N4BP1: variants seen among roughly 807,000 people sequenced by gnomAD.
N4BP1 encodes NEDD4 binding protein 1, also known as NEDD4-binding protein 1.
In N4BP1, 21 loss-of-function variants were observed where a neutral mutation model predicts 70.9. That is an observed-to-expected ratio of 0.30 (90% CI 0.21 to 0.43). The LOEUF is 0.43. Among genes scored for constraint, N4BP1 ranks in the 20% least tolerant of loss-of-function variants. The pLI is 1.00. For synonymous variants in N4BP1, 387 were observed against 394.6 expected, an observed-to-expected ratio of 0.98 and a Z score of 0.23; for missense variants, 936 against 1,069.4, an observed-to-expected ratio of 0.88 and a Z score of 1.74.
At chr16:48,586,881 A>G (rs1165299677) in intron 1 of N4BP1, among the ~76,000 whole-genome samples, 1 of 150,576 alleles carries the variant, frequency 6.6e-6, no homozygotes, top group Non-Finnish European at 1.5e-5. Flanking sequence ...TTTTTTTTTT[A>G]GAGACTACAC....
At position 48,558,448 on chromosome 16, in the gene N4BP1, T is replaced by C. The variant is rs115011041; in HGVS notation, c.1889+2306A>G. On this transcript the variant is annotated intron_variant, in intron 2 of 6. Coordinates refer to ENST00000262384, the MANE Select transcript of N4BP1 (RefSeq NM_153029.4). ...GTGTCACAACGACTGGGGAAGGATA[T>C]TATAAGCAAAGTGGGAGGGACTAGA... Among the ~76,000 whole-genome samples, 780 of 152,274 alleles carry C rather than the reference T, an allele frequency of 5.1e-3. 6 individuals are homozygous for C. The highest frequency in any genetic ancestry group is 0.017 in the African/African-American group (704 of 41,558).
chr16:48,609,744 G>A, intron 1 of N4BP1, 31 bp downstream of exon 1: 11 of 1,317,834 alleles, frequency 8.3e-6, no homozygotes, highest in Non-Finnish European at 1.1e-5. Flanking sequence ...GATCGAGGCC[G>A]CGGGCGCGCG....
At chr16:48,574,601 AT>A (rs1294822249) in intron 1 of N4BP1, among the ~76,000 whole-genome samples, 1 of 152,140 alleles carries the variant, frequency 6.6e-6, no homozygotes, top group Non-Finnish European at 1.5e-5. Flanking sequence ...AACAACCTTA[AT>A]TTTTTGTCAT....
At chr16:48,572,649 C>A (rs1382222590) in intron 1 of N4BP1, among the ~76,000 whole-genome samples, 1 of 152,156 alleles carries the variant, frequency 6.6e-6, no homozygotes, top group East Asian at 1.9e-4. Context: ...AGAGTGGCAA[C>A]TAGAAGTCCA....
rs1001397206 is a variant in N4BP1, at chr16:48,540,336, G to T, written c.*2568C>A. On this transcript the variant is annotated 3_prime_UTR_variant, in exon 7 of 7. Coordinates refer to ENST00000262384, the MANE Select transcript of N4BP1 (RefSeq NM_153029.4). ...CTGAGTCCTCCCTCACATCCCAGCC[G>T]TGCCACAAGCCGCATCGGCATGAGG... is the stretch of plus-strand genomic sequence containing the variant. 1 of 131,154 alleles carries T rather than the reference G, an allele frequency of 7.6e-6. No individual in the cohort carries two copies. Among genetic ancestry groups the T allele is most frequent in the Non-Finnish European group, 1.7e-5 (1 of 58,988 alleles). 8.1% of individuals were successfully genotyped at this position (131,154 alleles called of 1,614,324 possible). A position where few individuals can be genotyped will look rare whatever the true frequency, so the allele number is the denominator to read the frequency against.
chr16:48,603,456 T>C lies in N4BP1; in HGVS notation c.198+6319A>G, dbSNP rs993611971. On this transcript the variant is annotated intron_variant, in intron 1 of 6. Coordinates refer to ENST00000262384, the MANE Select transcript of N4BP1 (RefSeq NM_153029.4). Reference sequence around the variant, plus strand: ...GTGAACTCCACACCTTAAAGGTTCATGGAGACGCCAAACAAGTAGCTGTGC... The same window carrying C: ...GTGAACTCCACACCTTAAAGGTTCACGGAGACGCCAAACAAGTAGCTGTGC... 6.6e-5 allele frequency among the ~76,000 whole-genome samples: 10 copies of C among 152,092 alleles called. No homozygotes were observed. In the East Asian group the frequency reaches 1.9e-3, roughly 29 times the overall value.
chr16:48,540,884 G>A lies in N4BP1; in HGVS notation c.*2020C>T, dbSNP rs774057803. On this transcript the variant is annotated 3_prime_UTR_variant, in exon 7 of 7. Coordinates refer to ENST00000262384, the MANE Select transcript of N4BP1 (RefSeq NM_153029.4). ...TTAAATATTAAATATCAGGGGTTTC[G>A]GAAGGAATGATGAATTCCGTCTCAT... The A allele has an allele frequency of 1.3e-5, 2 of 152,144 alleles. No individual in the cohort carries two copies. Among genetic ancestry groups the A allele is most frequent in the Admixed American group, 6.5e-5 (1 of 15,274 alleles). 9.4% of individuals were successfully genotyped at this position (152,144 alleles called of 1,614,324 possible).
At chr16:48,559,998 T>G (rs753198242) in intron 2 of N4BP1, among the ~76,000 whole-genome samples, 1 of 152,076 alleles carries the variant, frequency 6.6e-6, no homozygotes, top group Non-Finnish European at 1.5e-5. Flanking sequence ...CAACTGAAAC[T>G]CCGAACAGTT....
intron 1 of N4BP1, among the ~76,000 whole-genome samples, chr16:48,608,358 T>C (rs997148695): frequency 6.6e-6 from 1 of 152,150 alleles, no homozygotes; most frequent in Non-Finnish European, 1.5e-5. Context: ...CCCGTCTCCT[T>C]TAAGGATGTG....
At chr16:48,583,843 T>G (rs9936445) in intron 1 of N4BP1, among the ~76,000 whole-genome samples, 54,845 of 151,928 alleles carry the variant, frequency 0.36, 10,139 homozygotes, top group African/African-American at 0.42. Flanking sequence ...GAAGGGACTC[T>G]CATCTGCTTG....
chr16:48,579,985 G>T (rs1275757660), intron 1 of N4BP1, among the ~76,000 whole-genome samples: 1 of 151,938 alleles, frequency 6.6e-6, no homozygotes, highest in African/African-American at 2.4e-5. Flanking sequence ...GATTTGAAGG[G>T]ATAGACTATA....
chr16:48,564,990 T>C (rs1415017127), intron 1 of N4BP1, among the ~76,000 whole-genome samples: 1 of 150,732 alleles, frequency 6.6e-6, no homozygotes, highest in African/African-American at 2.4e-5. Flanking sequence ...ACAAATATAA[T>C]TGATTTCTGT....
intron 1 of N4BP1, among the ~76,000 whole-genome samples, chr16:48,579,977 T>C (rs1203048147): frequency 6.6e-6 from 1 of 151,984 alleles, no homozygotes. Flanking sequence ...TATTAATAGA[T>C]TTGAAGGGAT....
At chr16:48,580,527 C>A (rs895199301) in intron 1 of N4BP1, among the ~76,000 whole-genome samples, 12 of 152,144 alleles carry the variant, frequency 7.9e-5, no homozygotes, top group African/African-American at 2.9e-4. Flanking sequence ...GTCAATTCTT[C>A]TCAAACTCTT....
intron 2 of N4BP1, chr16:48,560,524 T>G (rs1435600285): frequency 4.0e-6 from 2 of 499,220 alleles, no homozygotes; most frequent in East Asian, 6.8e-5. Flanking sequence ...TTCTATCCTC[T>G]CTTGCCCTTA....
Position 48,542,861 on chromosome 16 carries a change from G to C in N4BP1, c.*43C>G, listed in dbSNP as rs762745952. ...CAGGTACAGGTGTGAGCTTGAGTTT[G>C]ATCAGCCAGCCCTGAGCGCAAGCTC... On this transcript the variant is annotated 3_prime_UTR_variant, in exon 7 of 7. Coordinates refer to ENST00000262384, the MANE Select transcript of N4BP1 (RefSeq NM_153029.4). 2.0e-6 allele frequency: 3 copies of C among 1,515,580 alleles called. No individual in the cohort carries two copies. Among genetic ancestry groups the C allele is most frequent in the Non-Finnish European group, 2.7e-6 (3 of 1,114,510 alleles). 93.9% of individuals were successfully genotyped at this position (1,515,580 alleles called of 1,614,324 possible).
intron 1 of N4BP1, among the ~76,000 whole-genome samples, chr16:48,591,632 G>GT (rs34007822): frequency 0.012 from 1,634 of 136,954 alleles, 14 homozygotes; most frequent in Non-Finnish European, 0.018. Flanking sequence ...AAAGGCCTTG[G>GT]TTTTTTTTTT....
Position 48,542,473 on chromosome 16 carries a change from T to C in N4BP1, c.*431A>G, listed in dbSNP as rs1326480257. The C allele has an allele frequency of 6.5e-6, 1 of 153,576 alleles. No homozygotes were observed. Among genetic ancestry groups the C allele is most frequent in the Non-Finnish European group, 1.5e-5 (1 of 68,784 alleles). 9.5% of individuals were successfully genotyped at this position (153,576 alleles called of 1,614,324 possible). A position where few individuals can be genotyped will look rare whatever the true frequency, so the allele number is the denominator to read the frequency against. ...CACACTTCATGGTAGTGATGGGACA[T>C]ACTCATCTCAAGAAAATATACTTTA... On this transcript the variant is annotated 3_prime_UTR_variant, in exon 7 of 7. Coordinates refer to ENST00000262384, the MANE Select transcript of N4BP1 (RefSeq NM_153029.4).
In N4BP1 at chr16:48,556,382, T is replaced by C. The variant is rs544666246; in HGVS notation, c.1890-2713A>G. Among the ~76,000 whole-genome samples, 4 of 152,350 alleles carry C rather than the reference T, an allele frequency of 2.6e-5. No homozygotes were observed. In the South Asian group the frequency reaches 8.3e-4, roughly 32 times the overall value. ...AGGCAGACATGTGCTTACTCATCAC[T>C]GTCTCCTAGCCTCTCTGCAATCAAA... On this transcript the variant is annotated intron_variant, in intron 2 of 6. Coordinates refer to ENST00000262384, the MANE Select transcript of N4BP1 (RefSeq NM_153029.4).
Sources: gnomAD v4.1 joint callset for allele counts (sites outside exome capture counted in the v4.1 genomes callset) on GRCh38, gnomAD v4.1.1 for gene constraint, MANE v1.5 for transcripts, NCBI Gene and HGNC (gene_info 2026-07-23, HGNC 2026-07-21) for gene names.